Variants in IRF2 observed in about 807,000 individuals in gnomAD.
IRF2 encodes the protein interferon regulatory factor 2.
A neutral mutation model predicts 40.6 loss-of-function variants in IRF2; 15 were observed. The observed-to-expected ratio is 0.37, with a 90% confidence interval of 0.25 to 0.57. The LOEUF is 0.57. Among genes scored for constraint, IRF2 ranks in the 20% least tolerant of loss-of-function variants. The probability of loss-of-function intolerance (pLI) is 0.77; values close to 1 mark genes in which losing one functional copy is unlikely to be tolerated. For synonymous variants in IRF2, 151 were observed against 165.5 expected (o/e 0.91, Z 0.67); for missense variants, 317 against 455.7 (o/e 0.70, Z 2.77).
At chr4:184,456,548 G>A (rs1276630844) in intron 1 of IRF2, among the ~76,000 whole-genome samples, 1 of 152,220 alleles carries the variant, frequency 6.6e-6, no homozygotes, top group Non-Finnish European at 1.5e-5. Context: ...TCGCACCTCA[G>A]CGAGGGTCCC....
intron 1 of IRF2, among the ~76,000 whole-genome samples, chr4:184,435,770 C>T (rs1451261093): frequency 1.3e-5 from 2 of 152,106 alleles, no homozygotes; most frequent in African/African-American, 2.4e-5. Context: ...TTCCTGGAAA[C>T]ACCCTCACAA....
In IRF2 at chr4:184,445,378, G is replaced by A. The variant is rs115858463; in HGVS notation, c.-6-16308C>T. Among the ~76,000 whole-genome samples the A allele has an allele frequency of 5.0e-3, 756 of 152,244 alleles. 7 individuals are homozygous for A. The highest frequency in any genetic ancestry group is 0.017 in the African/African-American group (719 of 41,540). On this transcript the variant is annotated intron_variant, in intron 1 of 8. Coordinates refer to ENST00000393593, the MANE Select transcript of IRF2 (RefSeq NM_002199.4). ...TGAGAAAATAAGAACAATAGGCCAG[G>A]CACAGTGGCTCACACCTGTAATCCC...
At chr4:184,429,139 A>G in intron 1 of IRF2, 69 bp from the exon 2 acceptor site, 1 of 1,176,276 alleles carries the variant, frequency 8.5e-7, no homozygotes. Context: ...GCAGAGTTCT[A>G]CACCCCGCCT....
At position 184,410,922 on chromosome 4, in the gene IRF2, G is replaced by A. The variant is rs191633847; in HGVS notation, c.412-2647C>T. On this transcript the variant is annotated intron_variant, in intron 5 of 8. Coordinates refer to ENST00000393593, the MANE Select transcript of IRF2 (RefSeq NM_002199.4). Reference sequence around the variant, plus strand: ...GCTACTTTTAGCCTGCAGAGACACCGGAACTGAACTCTGTCTTTGGTCACG... The same window carrying A: ...GCTACTTTTAGCCTGCAGAGACACCAGAACTGAACTCTGTCTTTGGTCACG... Among the ~76,000 whole-genome samples the A allele has an allele frequency of 1.3e-3, 193 of 152,220 alleles. 1 individual carries two copies. Among genetic ancestry groups the A allele is most frequent in the African/African-American group, 4.5e-3 (187 of 41,534 alleles).
intron 1 of IRF2, among the ~76,000 whole-genome samples, chr4:184,441,755 C>T (rs1037480204): frequency 6.6e-6 from 1 of 152,120 alleles, no homozygotes; most frequent in Admixed American, 6.6e-5. Flanking sequence ...GTTCTAAGCA[C>T]GTTAAGAGGA....
intron 1 of IRF2, among the ~76,000 whole-genome samples, chr4:184,451,311 T>C (rs1490713049): frequency 6.6e-6 from 1 of 152,216 alleles, no homozygotes; most frequent in Non-Finnish European, 1.5e-5. Flanking sequence ...AATATATACA[T>C]GCAAAAGTCC....
chr4:184,473,592 C>T (rs1264772709), intron 1 of IRF2, among the ~76,000 whole-genome samples: 1 of 147,696 alleles, frequency 6.8e-6, no homozygotes. Flanking sequence ...GGCGGCCCAG[C>T]CCCCAGGAAG....
At chr4:184,441,685 TCCA>T (rs1738316469) in intron 1 of IRF2, among the ~76,000 whole-genome samples, 1 of 152,182 alleles carries the variant, frequency 6.6e-6, no homozygotes, top group Admixed American at 6.5e-5. Context: ...GTCAATATCC[TCCA>T]CCATGAGGGT....
At chr4:184,444,322 A>T (rs1738424707) in intron 1 of IRF2, among the ~76,000 whole-genome samples, 1 of 152,186 alleles carries the variant, frequency 6.6e-6, no homozygotes, top group South Asian at 2.1e-4. Flanking sequence ...ACAACTGTAG[A>T]AGCCATTCAG....
chr4:184,397,983 A>C (rs1214471470), intron 7 of IRF2, among the ~76,000 whole-genome samples: 1 of 152,192 alleles, frequency 6.6e-6, no homozygotes, highest in Non-Finnish European at 1.5e-5. Context: ...TCCTGTCATT[A>C]TGTAGCCAAG....
At chr4:184,392,832 G>A (rs1487317256) in intron 7 of IRF2, among the ~76,000 whole-genome samples, 2 of 152,130 alleles carry the variant, frequency 1.3e-5, no homozygotes, top group African/African-American at 4.8e-5. Context: ...ACACAAACCT[G>A]AGTGATCGCG....
intron 5 of IRF2, among the ~76,000 whole-genome samples, chr4:184,415,585 A>G (rs73874638): frequency 0.032 from 4,807 of 152,300 alleles, 260 homozygotes; most frequent in African/African-American, 0.11. Flanking sequence ...ATTACGTGTC[A>G]TGGTTTCATT....
chr4:184,455,152 T>A (rs1431927134), intron 1 of IRF2, among the ~76,000 whole-genome samples: 2 of 151,708 alleles, frequency 1.3e-5, no homozygotes, highest in East Asian at 3.9e-4. Context: ...CCATAATTCA[T>A]CCCCATCCCA....
At chr4:184,406,060 T>G (rs890072462) in intron 6 of IRF2, among the ~76,000 whole-genome samples, 2 of 152,106 alleles carry the variant, frequency 1.3e-5, no homozygotes, top group African/African-American at 4.8e-5. Context: ...TTCATCTTGC[T>G]AAGAGCATTC....
rs548079732 is a variant in IRF2, at chr4:184,388,279, G to C, written c.*479C>G. On this transcript the variant is annotated 3_prime_UTR_variant, in exon 9 of 9. Transcript: ENST00000393593. This position sits in a 1 kb window ranked among gnomAD's most constrained non-coding sequence, Gnocchi z 4.6. Reference sequence around the variant, plus strand: ...GAGGCTGGGGAATGGGCAGAGAAGGGGGTGCTGAGTGTGCTGTGAGATAGA... The same window carrying C: ...GAGGCTGGGGAATGGGCAGAGAAGGCGGTGCTGAGTGTGCTGTGAGATAGA... 4 of 155,332 alleles carry C rather than the reference G, an allele frequency of 2.6e-5. No individual in the cohort carries two copies. The Admixed American group carries it at 2.6e-4, about 10-fold the overall frequency. The allele number at this position is 155,332 out of a possible 1,614,324, so 9.6% of individuals were successfully genotyped here.
intron 2 of IRF2, among the ~76,000 whole-genome samples, chr4:184,423,564 G>A (rs189313078): frequency 1.3e-5 from 2 of 152,216 alleles, no homozygotes; most frequent in African/African-American, 4.8e-5. Context: ...TGAAAAAAAG[G>A]GAAAGATCTG....
intron 1 of IRF2, among the ~76,000 whole-genome samples, chr4:184,453,781 T>G (rs1008434105): frequency 6.6e-6 from 1 of 152,196 alleles, no homozygotes. Flanking sequence ...CTGAATTACC[T>G]GAGCTGTTTG....
At chr4:184,397,405 T>TCTGGAGGTGGATG (rs1288993514) in intron 7 of IRF2, among the ~76,000 whole-genome samples, 1 of 152,158 alleles carries the variant, frequency 6.6e-6, no homozygotes, top group Admixed American at 6.5e-5. Flanking sequence ...TGAAAAACGT[T>TCTGGAGGTGGATG]CTGGAGGTGG....
chr4:184,433,988 C>T (rs1014119854), intron 1 of IRF2, among the ~76,000 whole-genome samples: 26 of 152,090 alleles, frequency 1.7e-4, no homozygotes, highest in African/African-American at 5.8e-4. Context: ...ATTATGTTTC[C>T]GGAGATTAAA....
Sources: gnomAD v4.1 joint callset for allele counts (sites outside exome capture counted in the v4.1 genomes callset) on GRCh38, gnomAD v4.1.1 for gene constraint, Gnocchi (gnomAD v3.1) non-coding constraint, MANE v1.5 for transcripts, NCBI Gene and HGNC (gene_info 2026-07-23, HGNC 2026-07-21) for gene names.